SEC23A: variants seen among roughly 807,000 people sequenced by gnomAD.
SEC23A encodes the protein SEC23 homolog A, COPII component, also known as protein transport protein Sec23A.
In SEC23A, 56 loss-of-function variants were observed where a neutral mutation model predicts 103.7. That is an observed-to-expected ratio of 0.54 (90% CI 0.44 to 0.67). The LOEUF (loss-of-function observed/expected upper bound fraction) is 0.67, where lower values mean the gene tolerates loss of function less well. Among genes scored for constraint, SEC23A ranks in the 30% least tolerant of loss-of-function variants. The pLI is 0.00. For synonymous variants in SEC23A, 281 were observed against 293.0 expected (o/e 0.96, Z 0.42); for missense variants, 784 against 936.4 (o/e 0.84, Z 2.12).
chr14:39,091,199 A>G (rs1219328314), intron 5 of SEC23A: 2 of 474,546 alleles, frequency 4.2e-6, no homozygotes, highest in East Asian at 8.4e-5. Context: ...AGCCTTCAGC[A>G]TGACTCTTCA....
chr14:39,097,109 G>C (rs769104853), intron 1 of SEC23A, among the ~76,000 whole-genome samples: 3 of 152,152 alleles, frequency 2.0e-5, no homozygotes, highest in Non-Finnish European at 4.4e-5. Context: ...ACTCCAATTT[G>C]AGATATAAAA....
chr14:39,049,242 C>T (rs1885956742), intron 14 of SEC23A, among the ~76,000 whole-genome samples: 1 of 151,840 alleles, frequency 6.6e-6, no homozygotes, highest in African/African-American at 2.4e-5. Context: ...CTTTGGGAGG[C>T]CAAGGCGGGC....
chr14:39,034,858 C>A (rs1885410247), intron 19 of SEC23A, among the ~76,000 whole-genome samples: 1 of 152,124 alleles, frequency 6.6e-6, no homozygotes, highest in African/African-American at 2.4e-5. Flanking sequence ...ACAGAGGCCT[C>A]CAGCACTGTC....
chr14:39,052,389 T>C (rs1197546821), intron 14 of SEC23A, among the ~76,000 whole-genome samples: 1 of 152,150 alleles, frequency 6.6e-6, no homozygotes, highest in African/African-American at 2.4e-5. Flanking sequence ...ATTCTAGACA[T>C]AAGTCTTCAG....
chr14:39,086,782 C>T, intron 6 of SEC23A, 147 bp downstream of exon 6: 1 of 620,634 alleles, frequency 1.6e-6, no homozygotes, highest in Non-Finnish European at 2.9e-6. Context: ...GATTTTGACT[C>T]AATTCTTTAA....
Position 39,091,632 on chromosome 14 carries a change from A to G in SEC23A, c.448T>C (p.Ser150Pro), listed in dbSNP as rs537418864. 1.9e-6 allele frequency: 3 copies of G among 1,614,030 alleles called. No individual in the cohort carries two copies. The South Asian group carries it at 3.3e-5, about 18-fold the overall frequency. Reference sequence around the variant, plus strand: ...AAAAGACTTAATGACATCTGCATGGATTCTTTCAGGGCTTGTAAATCTTCA... The same window carrying G: ...AAAAGACTTAATGACATCTGCATGGGTTCTTTCAGGGCTTGTAAATCTTCA... ...EDEDLQALKE[S>P]MQMSLSLLPP... is the part of the protein sequence containing the mutation. The change falls in exon 5 of 20, where the codon TCC becomes CCC. Residue 150 changes from serine to proline, a missense_variant. This residue lies in a region of SEC23A where 683 missense variants were observed against 774.2 expected (regional missense o/e 0.88). Coordinates refer to ENST00000307712, the MANE Select transcript of SEC23A (RefSeq NM_006364.4).
intron 15 of SEC23A, among the ~76,000 whole-genome samples, chr14:39,048,377 G>T (rs1885920223): frequency 6.6e-6 from 1 of 152,038 alleles, no homozygotes; most frequent in Non-Finnish European, 1.5e-5. Flanking sequence ...ACTTTGGGAG[G>T]CCAAGGCAGA....
intron 1 of SEC23A, among the ~76,000 whole-genome samples, chr14:39,101,892 T>A (rs1457828711): frequency 6.6e-6 from 1 of 152,084 alleles, no homozygotes; most frequent in Non-Finnish European, 1.5e-5. Flanking sequence ...GACTAGAAAA[T>A]CACAAGGTCC....
intron 1 of SEC23A, among the ~76,000 whole-genome samples, chr14:39,099,775 T>G (rs185650727): frequency 6.6e-6 from 1 of 152,190 alleles, no homozygotes; most frequent in Non-Finnish European, 1.5e-5. Flanking sequence ...ACCTTTTAAT[T>G]TATTAATTAA....
At chr14:39,058,034 T>C (rs1886307502) in intron 13 of SEC23A, among the ~76,000 whole-genome samples, 1 of 152,236 alleles carries the variant, frequency 6.6e-6, no homozygotes, top group South Asian at 2.1e-4. Context: ...TAGCAGCAAT[T>C]TATTAAATCC....
intron 8 of SEC23A, 71 bp from the exon 9 acceptor site, chr14:39,074,601 A>C: frequency 1.2e-6 from 1 of 838,140 alleles, no homozygotes; most frequent in Non-Finnish European, 1.9e-6. Flanking sequence ...TTAACAGATC[A>C]AAATGATCTA....
chr14:39,092,441 T>C (rs1377358398), intron 4 of SEC23A, 100 bp downstream of exon 4: 3 of 761,192 alleles, frequency 3.9e-6, no homozygotes, highest in Non-Finnish European at 6.7e-6. Flanking sequence ...ATCAAATCAA[T>C]GTGAGAATTA....
chr14:39,085,156 C>T (rs1019439196), intron 7 of SEC23A, among the ~76,000 whole-genome samples: 3 of 152,122 alleles, frequency 2.0e-5, no homozygotes, highest in Non-Finnish European at 4.4e-5. Flanking sequence ...TCATGAAAAG[C>T]CAAAAGAACA....
intron 15 of SEC23A, among the ~76,000 whole-genome samples, chr14:39,047,924 C>T (rs555127515): frequency 8.8e-4 from 134 of 152,260 alleles, no homozygotes; most frequent in African/African-American, 3.1e-3. Context: ...TAAGGTAAAT[C>T]AAATGAGTTT....
chr14:39,098,082 C>A (rs537878153), intron 1 of SEC23A, among the ~76,000 whole-genome samples: 48 of 151,138 alleles, frequency 3.2e-4, no homozygotes, highest in African/African-American at 1.1e-3. Flanking sequence ...GAACAAGACT[C>A]CATCTCAAAA....
rs1181830873 is a variant in SEC23A at position 39,091,684 on chromosome 14, G to C, written c.396C>G (p.Leu132=). 4.3e-6 allele frequency: 7 copies of C among 1,613,708 alleles called. No individual in the cohort carries two copies. In the Admixed American group the frequency reaches 8.3e-5, roughly 19 times the overall value. The change falls in exon 5 of 20, where the codon CTC becomes CTG. Residue 132 remains leucine, a synonymous_variant. Coordinates refer to ENST00000307712, the MANE Select transcript of SEC23A (RefSeq NM_006364.4). The stretch of plus-strand genomic sequence containing the variant: ...CTTCCATGCAAGTATCAACCACATA[G>C]AGGAATATCAAAGGCATCTGAGGAC... ...LRGPQMPLIF[L]YVVDTCMEDE... is the part of the protein sequence containing the mutation.
At chr14:39,038,992 A>G in intron 19 of SEC23A, 39 bp downstream of exon 19, 1 of 1,505,550 alleles carries the variant, frequency 6.6e-7, no homozygotes, top group Middle Eastern at 1.8e-4. Flanking sequence ...CAATAAATAC[A>G]CAAAGAAATA....
chr14:39,037,202 A>T (rs1594431760), intron 19 of SEC23A, among the ~76,000 whole-genome samples: 1 of 151,998 alleles, frequency 6.6e-6, no homozygotes, highest in Non-Finnish European at 1.5e-5. Context: ...TGACCATCAA[A>T]CCCAAATTGC....
intron 7 of SEC23A, among the ~76,000 whole-genome samples, chr14:39,081,206 TAAA>T (rs780983657): frequency 7.8e-6 from 1 of 127,712 alleles, no homozygotes. Flanking sequence ...AGGCTCTGTT[TAAA>T]AAAAAAAAAA....
Sources: allele counts gnomAD v4.1 joint callset (sites outside exome capture counted in the v4.1 genomes callset), GRCh38; gene constraint gnomAD v4.1.1; regional missense constraint gnomAD v4.1.1; transcripts MANE v1.5; gene names NCBI Gene and HGNC (gene_info 2026-07-23, HGNC 2026-07-21).